The following GLIS3 variants were observed in gnomAD, a reference collection of about 807,000 sequenced individuals.
GLIS3 encodes zinc finger protein GLIS3.
A neutral mutation model predicts 78.6 loss-of-function variants in GLIS3; 53 were observed. The ratio of observed to expected loss-of-function variants is 0.67; its 90% CI spans 0.54 to 0.85. GLIS3 has a LOEUF of 0.85. Among genes scored for constraint, GLIS3 ranks in the 40% least tolerant of loss-of-function variants. The probability of loss-of-function intolerance (pLI) is 0.00; values close to 1 mark genes in which losing one functional copy is unlikely to be tolerated. For synonymous variants in GLIS3, 684 were observed against 509.9 expected (o/e 1.34, Z -4.60); for missense variants, 1,703 against 1,231.1 (o/e 1.38, Z -5.74).
the GLIS3 span, among the ~76,000 whole-genome samples, chr9:4,353,804 C>T: frequency 6.6e-6 from 1 of 152,090 alleles, no homozygotes; most frequent in African/African-American, 2.4e-5. Context: ...AATTCGGTGC[C>T]TGTAGCTGTT....
chr9:4,234,708 C>CAATT (rs1208884637), intron 2 of GLIS3, among the ~76,000 whole-genome samples: 1 of 152,122 alleles, frequency 6.6e-6, no homozygotes, highest in African/African-American at 2.4e-5. Context: ...TACAAACCTT[C>CAATT]AATTTGTCAA....
intron 4 of GLIS3, among the ~76,000 whole-genome samples, chr9:4,057,406 C>T (rs200643419): frequency 2.0e-5 from 3 of 152,166 alleles, no homozygotes; most frequent in East Asian, 3.9e-4. Context: ...GATATCATAA[C>T]ATTTTTATGC....
Position 4,118,344 on chromosome 9 carries a change from G to C in GLIS3, c.1134C>G (p.Gly378=). 1 of 1,580,050 alleles carries C rather than the reference G, an allele frequency of 6.3e-7. No individual in the cohort carries two copies. Among genetic ancestry groups the C allele is most frequent in the South Asian group, 1.1e-5 (1 of 88,502 alleles). ...SQKGVLVAPG[G]LALPAYGEDG... The stretch of plus-strand genomic sequence containing the variant: ...CCTCGCCGTAGGCCGGCAGCGCCAG[G>C]CCTCCAGGGGCCACCAGCACGCCCT... The change falls in exon 4 of 11, where the codon GGC becomes GGG. Residue 378 remains glycine, a synonymous_variant. Coordinates refer to ENST00000381971, the MANE Select transcript of GLIS3 (RefSeq NM_001042413.2). The surrounding 1 kb of genome is among the most constrained non-coding windows in gnomAD (Gnocchi z 4.7).
At chr9:3,851,166 A>G (rs1331399299) in intron 9 of GLIS3, among the ~76,000 whole-genome samples, 2 of 152,172 alleles carry the variant, frequency 1.3e-5, no homozygotes, top group Non-Finnish European at 2.9e-5. Flanking sequence ...TGGAGTGAAT[A>G]GGGTATTTAG....
chr9:4,171,092 T>A (rs554081205), intron 2 of GLIS3, among the ~76,000 whole-genome samples: 1 of 152,200 alleles, frequency 6.6e-6, no homozygotes, highest in African/African-American at 2.4e-5. Flanking sequence ...TTGATGAGTA[T>A]CACCTGTAAG....
intron 2 of GLIS3, among the ~76,000 whole-genome samples, chr9:4,264,289 C>T (rs1587213899): frequency 6.6e-6 from 1 of 152,194 alleles, no homozygotes; most frequent in African/African-American, 2.4e-5. Flanking sequence ...AAAACCTACT[C>T]TGAATCTAAA....
At chr9:4,333,194 C>A (rs1817710132) in intron 2 of GLIS3, among the ~76,000 whole-genome samples, 1 of 134,078 alleles carries the variant, frequency 7.5e-6, no homozygotes, top group African/African-American at 2.8e-5. Flanking sequence ...CCAGCCTGGG[C>A]AACACAGTGA....
chr9:4,131,902 C>T (rs2130939513), intron 2 of GLIS3, among the ~76,000 whole-genome samples: 1 of 152,150 alleles, frequency 6.6e-6, no homozygotes, highest in East Asian at 1.9e-4. Flanking sequence ...TGTTACATGC[C>T]TGTCATTGCT....
At chr9:3,883,522 T>C (rs1289424824) in intron 7 of GLIS3, among the ~76,000 whole-genome samples, 1 of 152,210 alleles carries the variant, frequency 6.6e-6, no homozygotes, top group Non-Finnish European at 1.5e-5. Flanking sequence ...CTTCCTTTCA[T>C]ACACATTCAA....
intron 10 of GLIS3, 91 bp from the exon 11 acceptor site, chr9:3,828,499 A>G: frequency 7.1e-6 from 11 of 1,543,244 alleles, no homozygotes; most frequent in Non-Finnish European, 9.7e-6. Flanking sequence ...TCACCAAGTG[A>G]GGACTGGGGG....
the GLIS3 span, among the ~76,000 whole-genome samples, chr9:4,398,052 G>A: frequency 1.3e-5 from 2 of 151,860 alleles, no homozygotes; most frequent in South Asian, 2.1e-4. Context: ...TGAGTCAATC[G>A]GCCCCTTCTT....
intron 4 of GLIS3, among the ~76,000 whole-genome samples, chr9:4,068,946 G>A (rs1417155): frequency 0.55 from 83,272 of 151,588 alleles, 24,369 homozygotes; most frequent in East Asian, 0.72. Context: ...AAAAATAAGG[G>A]ATTTAAAAAA....
intron 2 of GLIS3, among the ~76,000 whole-genome samples, chr9:4,279,092 G>C (rs1827285322): frequency 6.6e-6 from 1 of 152,024 alleles, no homozygotes; most frequent in Admixed American, 6.6e-5. Context: ...ATGAGGTCAG[G>C]AGTTCAAGAC....
intron 2 of GLIS3, among the ~76,000 whole-genome samples, chr9:4,157,587 T>C (rs952454297): frequency 6.6e-6 from 1 of 152,186 alleles, no homozygotes; most frequent in Non-Finnish European, 1.5e-5. Flanking sequence ...AATAATATGT[T>C]ATTATTACTA....
intron 2 of GLIS3, among the ~76,000 whole-genome samples, chr9:4,197,262 G>T (rs1818950274): frequency 6.7e-6 from 1 of 149,564 alleles, no homozygotes; most frequent in South Asian, 2.2e-4. Context: ...GCTGTGCAAG[G>T]GGGCCCTCTC....
chr9:3,924,484 C>T (rs181335281), intron 6 of GLIS3, among the ~76,000 whole-genome samples: 1 of 152,230 alleles, frequency 6.6e-6, no homozygotes, highest in Non-Finnish European at 1.5e-5. Context: ...AATCCAAACA[C>T]CACTCTAAGA....
intron 2 of GLIS3, among the ~76,000 whole-genome samples, chr9:4,314,733 T>C (rs1222737499): frequency 6.6e-6 from 1 of 152,172 alleles, no homozygotes. Flanking sequence ...CAGAACTGGG[T>C]TTAGATTTCA....
At chr9:4,249,465 T>G (rs959499791) in intron 2 of GLIS3, among the ~76,000 whole-genome samples, 3 of 152,226 alleles carry the variant, frequency 2.0e-5, no homozygotes, top group South Asian at 2.1e-4. Flanking sequence ...TGCACATTGA[T>G]TTTGTATCCC....
At chr9:3,859,697 G>A (rs1820049780) in intron 8 of GLIS3, among the ~76,000 whole-genome samples, 1 of 152,104 alleles carries the variant, frequency 6.6e-6, no homozygotes, top group African/African-American at 2.4e-5. Context: ...CTGCTGATCT[G>A]CAGTTGACAC....
Sources: allele counts gnomAD v4.1 joint callset (sites outside exome capture counted in the v4.1 genomes callset), GRCh38; gene constraint gnomAD v4.1.1; non-coding constraint Gnocchi (gnomAD v3.1); transcripts MANE v1.5; gene names NCBI Gene and HGNC (gene_info 2026-07-23, HGNC 2026-07-21).